The following NAALADL2 variants were observed in gnomAD, a reference collection of about 807,000 sequenced individuals.
NAALADL2 encodes inactive N-acetylated-alpha-linked acidic dipeptidase-like protein 2.
A neutral mutation model predicts 87.2 loss-of-function variants in NAALADL2; 76 were observed. That is an observed-to-expected ratio of 0.87 (90% CI 0.72 to 1.05). The LOEUF is 1.05. Ranked by LOEUF, NAALADL2 falls within the 50% of genes least tolerant of loss-of-function variation. The pLI is 0.00. For missense variants in NAALADL2, 1,089 were observed against 945.8 expected (o/e 1.15, Z -1.99); for synonymous variants, 354 against 331.0 (o/e 1.07, Z -0.75).
intron 2 of NAALADL2, among the ~76,000 whole-genome samples, chr3:175,183,765 G>A (rs1464016623): frequency 1.3e-5 from 2 of 151,956 alleles, no homozygotes; most frequent in Non-Finnish European, 2.9e-5. Context: ...CATCTATGTT[G>A]ATCAATCATA....
intron 2 of NAALADL2, among the ~76,000 whole-genome samples, chr3:175,099,812 G>C (rs1163196932): frequency 1.3e-5 from 2 of 152,066 alleles, no homozygotes; most frequent in Non-Finnish European, 2.9e-5. Flanking sequence ...GACTCTATAA[G>C]AGAATGGACT....
chr3:175,792,478 G>GTTCAAATCATCTTGAATACTTACTA (rs1166063106), intron 13 of NAALADL2, among the ~76,000 whole-genome samples: 1 of 152,096 alleles, frequency 6.6e-6, no homozygotes, highest in Non-Finnish European at 1.5e-5. Context: ...ATTTTGAAGT[G>GTTCAAATCATCTTGAATACTTACTA]TTCAAATCAT....
chr3:175,685,714 C>T (rs1458893510), intron 11 of NAALADL2, among the ~76,000 whole-genome samples: 1 of 151,910 alleles, frequency 6.6e-6, no homozygotes, highest in African/African-American at 2.4e-5. Flanking sequence ...ACTGGAGACC[C>T]TGGAAAAGCT....
chr3:175,241,223 T>A lies in NAALADL2; in HGVS notation c.819+7019T>A, dbSNP rs569749176. Among the ~76,000 whole-genome samples, 5 of 152,006 alleles carry A rather than the reference T, an allele frequency of 3.3e-5. No individual in the cohort carries two copies. In the East Asian group the frequency reaches 9.7e-4, roughly 30 times the overall value. On this transcript the variant is annotated intron_variant, in intron 3 of 13. Transcript: ENST00000454872. ...TGCTTCTTTCATTTTTTAAAAAAAA[T>A]TCATTTTATTATTGTTTGTTTTTAA...
chr3:174,651,550 A>C (rs1724364529), intron 2 of NAALADL2, among the ~76,000 whole-genome samples: 1 of 152,204 alleles, frequency 6.6e-6, no homozygotes, highest in African/African-American at 2.4e-5. Flanking sequence ...TTAAATAAAA[A>C]CAATAACTTA....
rs1281449528 is a variant in NAALADL2, at chr3:175,592,091, G to T, written c.1800+15904G>T. On this transcript the variant is annotated intron_variant, in intron 10 of 13. Coordinates refer to ENST00000454872, the MANE Select transcript of NAALADL2 (RefSeq NM_207015.3). The stretch of plus-strand genomic sequence containing the variant: ...CTATTCTTTCATAGTAATGTTCAGG[G>T]TCAGTTTCTAAAATCATCCGTTGAT... 4.6e-5 allele frequency among the ~76,000 whole-genome samples: 7 copies of T among 151,922 alleles called. No individual in the cohort carries two copies. The South Asian group carries it at 6.2e-4, about 13-fold the overall frequency.
chr3:174,625,420 A>C (rs1410569275), intron 2 of NAALADL2, among the ~76,000 whole-genome samples: 1 of 151,914 alleles, frequency 6.6e-6, no homozygotes, highest in Non-Finnish European at 1.5e-5. Context: ...TTTACTTTCT[A>C]TGTTAATCAT....
intron 3 of NAALADL2, among the ~76,000 whole-genome samples, chr3:174,769,325 C>T (rs765198944): frequency 6.6e-5 from 10 of 151,716 alleles, no homozygotes; most frequent in Non-Finnish European, 1.5e-4. Flanking sequence ...TTTTCACCTG[C>T]GTGGTATGAT....
intron 1 of NAALADL2, among the ~76,000 whole-genome samples, chr3:175,061,101 T>C (rs1713383994): frequency 6.6e-6 from 1 of 152,118 alleles, no homozygotes; most frequent in Non-Finnish European, 1.5e-5. Flanking sequence ...ATTTTATAAA[T>C]ACATAGTCAT....
chr3:175,688,477 T>G (rs776198254), intron 11 of NAALADL2, among the ~76,000 whole-genome samples: 2 of 152,074 alleles, frequency 1.3e-5, no homozygotes, highest in Non-Finnish European at 2.9e-5. Context: ...AAGGAAAGAT[T>G]TAGCCTGTAA....
intron 1 of NAALADL2, among the ~76,000 whole-genome samples, chr3:175,005,398 A>C (rs1034174011): frequency 3.3e-5 from 5 of 152,208 alleles, no homozygotes; most frequent in African/African-American, 1.2e-4. Context: ...ACTACACTTT[A>C]TAATAACCTA....
chr3:174,833,218 A>G (rs1300927424), intron 3 of NAALADL2, among the ~76,000 whole-genome samples: 1 of 152,240 alleles, frequency 6.6e-6, no homozygotes, highest in African/African-American at 2.4e-5. Context: ...TGGTTAATAA[A>G]AAATGAGAAA....
intron 1 of NAALADL2, among the ~76,000 whole-genome samples, chr3:174,545,513 C>T (rs141230477): frequency 9.5e-4 from 144 of 152,288 alleles, no homozygotes; most frequent in Non-Finnish European, 1.9e-3. Context: ...CTCAGAACTT[C>T]AAAGCCTTTG....
At chr3:175,116,842 C>T (rs1725286583) in intron 2 of NAALADL2, among the ~76,000 whole-genome samples, 1 of 152,088 alleles carries the variant, frequency 6.6e-6, no homozygotes, top group African/African-American at 2.4e-5. Flanking sequence ...GGAGGCATCA[C>T]ACTACCTGAC....
chr3:174,581,571 T>C (rs1716172204), intron 2 of NAALADL2, among the ~76,000 whole-genome samples: 1 of 152,114 alleles, frequency 6.6e-6, no homozygotes, highest in Non-Finnish European at 1.5e-5. Context: ...GAAAGGAGAA[T>C]TGATACGTAG....
chr3:175,491,240 T>C (rs1432720595), intron 9 of NAALADL2, among the ~76,000 whole-genome samples: 1 of 150,388 alleles, frequency 6.6e-6, no homozygotes, highest in Admixed American at 6.6e-5. Context: ...GTCCTATAAA[T>C]ATAATACAAT....
At chr3:174,730,787 A>G (rs1447781) in intron 2 of NAALADL2, among the ~76,000 whole-genome samples, 22,109 of 151,972 alleles carry the variant, frequency 0.15, 1,880 homozygotes, top group African/African-American at 0.22. Flanking sequence ...AGACTGAGAC[A>G]AAAGTCTTTT....
intron 3 of NAALADL2, among the ~76,000 whole-genome samples, chr3:174,797,191 C>T (rs1450842320): frequency 1.3e-5 from 2 of 151,974 alleles, no homozygotes; most frequent in African/African-American, 4.8e-5. Flanking sequence ...CGAATTTTCC[C>T]AGCACCATCT....
intron 2 of NAALADL2, among the ~76,000 whole-genome samples, chr3:174,714,118 T>C (rs1429339722): frequency 3.3e-5 from 5 of 152,174 alleles, no homozygotes; most frequent in East Asian, 1.9e-4. Context: ...TGTAGATACG[T>C]GGCATTATTT....
Sources: gnomAD v4.1 joint callset for allele counts (sites outside exome capture counted in the v4.1 genomes callset) on GRCh38, gnomAD v4.1.1 for gene constraint, MANE v1.5 for transcripts, NCBI Gene and HGNC (gene_info 2026-07-23, HGNC 2026-07-21) for gene names.